FAM120B: variants seen among roughly 807,000 people sequenced by gnomAD.
FAM120B encodes the protein family with sequence similarity 120 member B.
In FAM120B, 83 loss-of-function variants were observed where a neutral mutation model predicts 96.3. The observed-to-expected ratio is 0.86, with a 90% CI of 0.72 to 1.03. The LOEUF (loss-of-function observed/expected upper bound fraction) is 1.03, where lower values mean the gene tolerates loss of function less well. Ranked by LOEUF, FAM120B falls within the 50% of genes least tolerant of loss-of-function variation. The pLI, the probability that FAM120B is intolerant of heterozygous loss-of-function variation, is 0.00. For missense variants in FAM120B, 1,027 were observed against 1,121.2 expected (o/e 0.92, Z 1.20); for synonymous variants, 407 against 402.7 (o/e 1.01, Z -0.13).
Position 170,382,815 on chromosome 6 carries a change from G to A in FAM120B, c.2284-5472G>A, listed in dbSNP as rs1055430434. Among the ~76,000 whole-genome samples, 5 of 152,214 alleles carry A rather than the reference G, an allele frequency of 3.3e-5. No homozygotes were observed. In the East Asian group the frequency reaches 9.6e-4, roughly 29 times the overall value. On this transcript the variant is annotated intron_variant, in intron 6 of 10. Transcript: ENST00000476287. ...AGATTATTCTAAAATTTGTATGGAA[G>A]GGCAGTGAAACTAAAAGTCACGAAA...
rs759861324 is a variant in FAM120B, at chr6:170,317,968, T to C, written c.578T>C (p.Ile193Thr). The change falls in exon 2 of 11, where the codon ATT becomes ACT. Residue 193 changes from isoleucine (I) to threonine (T), a missense_variant. Ile to Thr is a moderately conservative substitution (Grantham distance 89, BLOSUM62 -1). Coordinates refer to ENST00000476287, the MANE Select transcript of FAM120B (RefSeq NM_032448.3). ...TATGACACTTGTCCCTACTTTTCAA[T>C]TAGCGAGCTCTGCCTAGAGAGCCTG... ...LIYDTCPYFS[I>T]SELCLESLDT... 3.1e-6 allele frequency: 5 copies of C among 1,614,000 alleles called. No individual in the cohort carries two copies. The highest frequency in any genetic ancestry group is 4.2e-6 in the Non-Finnish European group (5 of 1,179,884).
upstream of FAM120B, among the ~76,000 whole-genome samples, chr6:170,304,707 A>C (rs564350050): frequency 6.6e-6 from 1 of 151,704 alleles, no homozygotes; most frequent in Non-Finnish European, 1.5e-5. Context: ...CCTGCGCATG[A>C]GAGTTTGGTC....
At chr6:170,376,902 A>G (rs1461160260) in intron 6 of FAM120B, among the ~76,000 whole-genome samples, 3 of 151,818 alleles carry the variant, frequency 2.0e-5, no homozygotes, top group Non-Finnish European at 2.9e-5. Flanking sequence ...GGGGAATGCC[A>G]CTTTGTGCTT....
intron 6 of FAM120B, among the ~76,000 whole-genome samples, chr6:170,382,769 G>A (rs1022124507): frequency 1.1e-4 from 16 of 152,196 alleles, no homozygotes; most frequent in Admixed American, 3.3e-4. Flanking sequence ...TCCCAGCAAG[G>A]TATTTTTTTG....
upstream of FAM120B, chr6:170,291,140 C>G: frequency 2.0e-6 from 1 of 510,754 alleles, no homozygotes; most frequent in Non-Finnish European, 3.8e-6. Context: ...CCAGTCCTCC[C>G]CTGCCCCCGC....
intron 6 of FAM120B, among the ~76,000 whole-genome samples, chr6:170,380,362 A>G (rs1029123647): frequency 6.6e-6 from 1 of 152,198 alleles, no homozygotes; most frequent in Non-Finnish European, 1.5e-5. Context: ...CTTTGGGTCT[A>G]TAACTACAAG....
intron 6 of FAM120B, among the ~76,000 whole-genome samples, chr6:170,378,140 T>C (rs1789683581): frequency 1.3e-5 from 2 of 152,234 alleles, no homozygotes; most frequent in Non-Finnish European, 2.9e-5. Context: ...GAATTTTCCT[T>C]GGTTCACACA....
At chr6:170,343,059 G>A (rs973972785) in intron 4 of FAM120B, among the ~76,000 whole-genome samples, 4 of 152,052 alleles carry the variant, frequency 2.6e-5, no homozygotes, top group South Asian at 2.1e-4. Flanking sequence ...CTCTTGCATC[G>A]CAACCCTCCT....
chr6:170,368,230 T>C (rs1023666718), intron 6 of FAM120B, among the ~76,000 whole-genome samples: 3 of 152,210 alleles, frequency 2.0e-5, no homozygotes, highest in African/African-American at 7.2e-5. Flanking sequence ...CAAGGTATAG[T>C]GCATGTCTGA....
intron 1 of FAM120B, among the ~76,000 whole-genome samples, chr6:170,314,432 C>G (rs1427208728): frequency 6.6e-6 from 1 of 152,160 alleles, no homozygotes; most frequent in African/African-American, 2.4e-5. Context: ...GATGGTGAGC[C>G]CCACCTCAAA....
chr6:170,395,925 C>T (rs1790700237), intron 9 of FAM120B, among the ~76,000 whole-genome samples: 2 of 152,192 alleles, frequency 1.3e-5, no homozygotes, highest in African/African-American at 4.8e-5. Context: ...TATAGTGTTT[C>T]ACCAATAGCT....
intron 1 of FAM120B, among the ~76,000 whole-genome samples, chr6:170,316,438 A>AG (rs34586613): frequency 0.13 from 20,319 of 152,254 alleles, 1,490 homozygotes; most frequent in East Asian, 0.31. Context: ...TAGATCATAA[A>AG]AATGTCAGCA....
chr6:170,350,377 G>A (rs1392043296), intron 5 of FAM120B, among the ~76,000 whole-genome samples: 1 of 152,228 alleles, frequency 6.6e-6, no homozygotes, highest in Non-Finnish European at 1.5e-5. Context: ...CAGCCTGCCA[G>A]CTTTGGAGAA....
In FAM120B at chr6:170,348,254, A is replaced by G. The variant is rs753879829; in HGVS notation, c.2121A>G (p.Arg707=). The part of the protein sequence containing the change: ...LLACFNLSSS[R]EELQAVESPF... ...CCTGTTTCAATCTTTCCTCCTCAAGAGAAGAGCTGCAGGCTGTCGAAAGCC... is the reference window on the plus strand; with the variant it reads ...CCTGTTTCAATCTTTCCTCCTCAAGGGAAGAGCTGCAGGCTGTCGAAAGCC... The change falls in exon 5 of 11, where the codon AGA becomes AGG. Residue 707 remains arginine (R), a synonymous_variant. Transcript: ENST00000476287. 1.2e-6 allele frequency: 2 copies of G among 1,614,002 alleles called. No homozygotes were observed. The highest frequency in any genetic ancestry group is 2.2e-5 in the South Asian group (2 of 91,076).
intron 1 of FAM120B, among the ~76,000 whole-genome samples, chr6:170,308,008 T>G (rs1431732731): frequency 2.6e-5 from 4 of 152,216 alleles, no homozygotes; most frequent in Non-Finnish European, 5.9e-5. Context: ...TACTCCCAAG[T>G]TCCTCCGTGT....
At chr6:170,322,358 A>T (rs1785349265) in intron 2 of FAM120B, among the ~76,000 whole-genome samples, 1 of 152,190 alleles carries the variant, frequency 6.6e-6, no homozygotes, top group Admixed American at 6.5e-5. Context: ...GGCAAGCTGG[A>T]TGTTGGTCCT....
chr6:170,358,383 C>A, intron 6 of FAM120B, 65 bp downstream of exon 6: 2 of 1,140,530 alleles, frequency 1.8e-6, no homozygotes, highest in South Asian at 2.7e-5. Context: ...CCTTCTCTTT[C>A]CCATTATAGT....
chr6:170,394,782 TA>T (rs1273200925), intron 8 of FAM120B, among the ~76,000 whole-genome samples: 27 of 152,372 alleles, frequency 1.8e-4, no homozygotes, highest in African/African-American at 6.3e-4. Flanking sequence ...CCCTCATAGC[TA>T]AAGCCCCAGG....
Position 170,368,451 on chromosome 6 carries a change from A to C in FAM120B, c.2283+10133A>C, listed in dbSNP as rs542443188. Among the ~76,000 whole-genome samples, 6 of 152,324 alleles carry C rather than the reference A, an allele frequency of 3.9e-5. No individual in the cohort carries two copies. In the South Asian group the frequency reaches 1.2e-3, roughly 32 times the overall value. ...TGAATATTTTTCTGTAGGCAGAATCAAAATGCTTTGAAGACATAATGAGAT... is the reference window on the plus strand; with the variant it reads ...TGAATATTTTTCTGTAGGCAGAATCCAAATGCTTTGAAGACATAATGAGAT... On this transcript the variant is annotated intron_variant, in intron 6 of 10. Coordinates refer to ENST00000476287, the MANE Select transcript of FAM120B (RefSeq NM_032448.3).
Sources: allele counts gnomAD v4.1 joint callset (sites outside exome capture counted in the v4.1 genomes callset), GRCh38; gene constraint gnomAD v4.1.1; transcripts MANE v1.5; gene names NCBI Gene and HGNC (gene_info 2026-07-23, HGNC 2026-07-21).